LRMDA: variants seen among roughly 807,000 people sequenced by gnomAD.
The protein encoded by LRMDA is leucine-rich melanocyte differentiation-associated protein.
In LRMDA, 18 loss-of-function variants were observed where a neutral mutation model predicts 29.8. The ratio of observed to expected loss-of-function variants is 0.60; its 90% CI spans 0.42 to 0.90. The LOEUF (loss-of-function observed/expected upper bound fraction) is 0.90. LRMDA is among the 40% of genes least tolerant of loss of function. LRMDA has a pLI of 0.00. For missense variants in LRMDA, 273 were observed against 273.9 expected, an observed-to-expected ratio of 1.00 and a Z score of 0.02; for synonymous variants, 125 against 109.4, an observed-to-expected ratio of 1.14 and a Z score of -0.89.
chr10:75,948,788 T>TG lies in LRMDA; in HGVS notation c.132-87219dup, dbSNP rs1846523067. 8.5e-5 allele frequency among the ~76,000 whole-genome samples: 13 copies of TG among 152,216 alleles called. No homozygotes were observed. In the South Asian group the frequency reaches 2.7e-3, roughly 32 times the overall value. ...TTTGTCTGTCAGGACCCATGGCTGC[T>TG]GTGGTGATTTACTTGCCATCAGATG... On this transcript the variant is annotated intron_variant, in intron 2 of 6. Transcript: ENST00000611255.
intron 2 of LRMDA, among the ~76,000 whole-genome samples, chr10:75,529,572 C>T (rs1845452672): frequency 6.6e-6 from 1 of 152,136 alleles, no homozygotes; most frequent in African/African-American, 2.4e-5. Flanking sequence ...GTGCCATCAG[C>T]CTGGAGTGGT....
At chr10:76,138,032 C>T (rs1198296670) in intron 5 of LRMDA, among the ~76,000 whole-genome samples, 1 of 152,044 alleles carries the variant, frequency 6.6e-6, no homozygotes, top group African/African-American at 2.4e-5. Context: ...TGTGTATTGC[C>T]CTTTTGCAAC....
intron 6 of LRMDA, among the ~76,000 whole-genome samples, chr10:76,478,121 C>A (rs1383205933): frequency 1.3e-5 from 2 of 152,104 alleles, no homozygotes; most frequent in African/African-American, 2.4e-5. Context: ...AGGCAACCTA[C>A]AGATGGGAAA....
At chr10:75,839,088 T>C (rs1844490575) in intron 2 of LRMDA, among the ~76,000 whole-genome samples, 1 of 152,196 alleles carries the variant, frequency 6.6e-6, no homozygotes, top group East Asian at 1.9e-4. Flanking sequence ...TTTTAACAAA[T>C]GAAAAATACA....
At chr10:75,577,263 A>G (rs1369452554) in intron 2 of LRMDA, among the ~76,000 whole-genome samples, 1 of 152,180 alleles carries the variant, frequency 6.6e-6, no homozygotes, top group Non-Finnish European at 1.5e-5. Flanking sequence ...CAATAGCCGA[A>G]TCAATCAAGT....
At chr10:76,219,910 A>T (rs1851798734) in intron 5 of LRMDA, among the ~76,000 whole-genome samples, 1 of 152,214 alleles carries the variant, frequency 6.6e-6, no homozygotes, top group Non-Finnish European at 1.5e-5. Context: ...AAATTATAGC[A>T]AACTGTCTCT....
intron 2 of LRMDA, among the ~76,000 whole-genome samples, chr10:75,618,714 TTATAAA>T (rs1841141853): frequency 1.3e-5 from 2 of 150,406 alleles, no homozygotes; most frequent in African/African-American, 2.4e-5. Flanking sequence ...TACTGTGTTC[TTATAAA>T]TAGTAAGCTA....
intron 2 of LRMDA, among the ~76,000 whole-genome samples, chr10:75,669,303 C>T (rs1261418480): frequency 6.6e-6 from 1 of 151,938 alleles, no homozygotes; most frequent in Non-Finnish European, 1.5e-5. Flanking sequence ...CCATTTTTTC[C>T]CTATGAGGTT....
At chr10:76,074,203 A>C (rs1426762116) in intron 5 of LRMDA, among the ~76,000 whole-genome samples, 1 of 152,224 alleles carries the variant, frequency 6.6e-6, no homozygotes, top group Admixed American at 6.5e-5. Context: ...AAGCAAATCA[A>C]ACTAAATATG....
intron 2 of LRMDA, among the ~76,000 whole-genome samples, chr10:76,007,264 C>A (rs1057034357): frequency 2.0e-5 from 3 of 152,006 alleles, no homozygotes; most frequent in Non-Finnish European, 2.9e-5. Context: ...TGGCCCCTCT[C>A]TGCCCACCCT....
intron 5 of LRMDA, among the ~76,000 whole-genome samples, chr10:76,175,488 C>A (rs1850917601): frequency 6.6e-6 from 1 of 152,156 alleles, no homozygotes; most frequent in African/African-American, 2.4e-5. Flanking sequence ...ATTATCGTTT[C>A]TCTGGCCACT....
intron 2 of LRMDA, among the ~76,000 whole-genome samples, chr10:75,668,196 A>T (rs764027331): frequency 1.6e-4 from 25 of 152,172 alleles, no homozygotes; most frequent in Admixed American, 1.2e-3. Flanking sequence ...GCTTTGCATC[A>T]GGAGTTTGGT....
intron 2 of LRMDA, among the ~76,000 whole-genome samples, chr10:75,504,636 A>G (rs1169328613): frequency 2.6e-5 from 4 of 152,078 alleles, no homozygotes; most frequent in Non-Finnish European, 5.9e-5. Flanking sequence ...GATAGGTAGG[A>G]CTTATCTCAA....
rs1439480179 is a variant in LRMDA, at chr10:75,562,971, T to C, written c.131+124477T>C. ...TCTGGCTGCCCTTAACATTTTTTCC[T>C]TCATTTCAACCTTGGTGAATCTGAC... On this transcript the variant is annotated intron_variant, in intron 2 of 6. Coordinates refer to ENST00000611255, the MANE Select transcript of LRMDA (RefSeq NM_001305581.2). Among the ~76,000 whole-genome samples the C allele has an allele frequency of 7.2e-5, 11 of 152,174 alleles. 1 individual carries two copies. Among genetic ancestry groups the C allele is most frequent in the African/African-American group, 1.4e-4 (6 of 41,406 alleles).
intron 6 of LRMDA, among the ~76,000 whole-genome samples, chr10:76,512,167 C>T (rs1843014840): frequency 6.6e-6 from 1 of 152,182 alleles, no homozygotes; most frequent in Admixed American, 6.5e-5. Context: ...TCTCCTGCTG[C>T]CACTATGTAA....
intron 6 of LRMDA, among the ~76,000 whole-genome samples, chr10:76,527,198 C>T (rs1177573770): frequency 6.6e-6 from 1 of 151,974 alleles, no homozygotes; most frequent in Non-Finnish European, 1.5e-5. Context: ...AAGGCCATTC[C>T]CAGTTGTTCC....
intron 5 of LRMDA, among the ~76,000 whole-genome samples, chr10:76,250,385 C>A (rs1027581239): frequency 2.0e-5 from 3 of 152,100 alleles, no homozygotes; most frequent in Non-Finnish European, 2.9e-5. Flanking sequence ...ACATTGCAAG[C>A]TTTGATGATA....
At chr10:75,684,229 C>A (rs1298356013) in intron 2 of LRMDA, among the ~76,000 whole-genome samples, 1 of 152,210 alleles carries the variant, frequency 6.6e-6, no homozygotes, top group African/African-American at 2.4e-5. Context: ...ACATGAGGGT[C>A]CATGGAGTCT....
intron 2 of LRMDA, among the ~76,000 whole-genome samples, chr10:75,793,746 G>A (rs973063135): frequency 6.6e-6 from 1 of 152,178 alleles, no homozygotes; most frequent in Non-Finnish European, 1.5e-5. Context: ...TCCAGATAGA[G>A]TTGGCTCCAT....
Sources: gnomAD v4.1 joint callset for allele counts (sites outside exome capture counted in the v4.1 genomes callset) on GRCh38, gnomAD v4.1.1 for gene constraint, MANE v1.5 for transcripts, NCBI Gene and HGNC (gene_info 2026-07-23, HGNC 2026-07-21) for gene names.